The following MGAT4C variants were observed in gnomAD, a reference collection of about 807,000 sequenced individuals.
The protein encoded by MGAT4C is MGAT4 family member C, also known as alpha-1,3-mannosyl-glycoprotein 4-beta-N-acetylglucosaminyltransferase C.
In MGAT4C, 19 loss-of-function variants were observed where a neutral mutation model predicts 40.1. The observed-to-expected ratio is 0.47, with a 90% confidence interval of 0.33 to 0.70. MGAT4C has a LOEUF of 0.70. Among genes scored for constraint, MGAT4C ranks in the 30% least tolerant of loss-of-function variants. The pLI is 0.02. For missense variants in MGAT4C, 491 were observed against 563.2 expected, an observed-to-expected ratio of 0.87 and a Z score of 1.30; for synonymous variants, 181 against 187.1, an observed-to-expected ratio of 0.97 and a Z score of 0.27.
intron 2 of MGAT4C, among the ~76,000 whole-genome samples, chr12:86,577,475 G>A (rs1476996746): frequency 1.3e-5 from 2 of 151,622 alleles, no homozygotes; most frequent in East Asian, 1.9e-4. Flanking sequence ...GTTAAGGTAC[G>A]TTTTCTTCTA....
At chr12:86,316,109 G>GAAAAAAAAAAAAAAAAAAAAAAAAA (rs1954220604) in intron 4 of MGAT4C, among the ~76,000 whole-genome samples, 1 of 59,770 alleles carries the variant, frequency 1.7e-5, no homozygotes, top group Non-Finnish European at 3.4e-5. Flanking sequence ...AAAAAAAAAT[G>GAAAAAAAAAAAAAAAAAAAAAAAAA]GAAAAACGAT....
intron 2 of MGAT4C, among the ~76,000 whole-genome samples, chr12:86,654,819 G>A (rs1017142955): frequency 6.6e-6 from 1 of 150,926 alleles, no homozygotes; most frequent in Non-Finnish European, 1.5e-5. Flanking sequence ...GTTGTGTATT[G>A]CGGTGAAGAT....
rs367687889 is a variant in MGAT4C at position 86,547,311 on chromosome 12, C to G, written c.-228-112046G>C. Among the ~76,000 whole-genome samples, 12 of 152,046 alleles carry G rather than the reference C, an allele frequency of 7.9e-5. No homozygotes were observed. The East Asian group carries it at 1.2e-3, about 15-fold the overall frequency. ...TCTCCCCTTGTTTTCTTTCCTCCCC[C>G]CTTCCTCTTCCTGCTCTTCCTTTTG... is the stretch of plus-strand genomic sequence containing the variant. On this transcript the variant is annotated intron_variant, in intron 2 of 7. Coordinates refer to the MGAT4C transcript ENST00000548651.
chr12:86,571,176 G>A (rs1049731263), intron 2 of MGAT4C, among the ~76,000 whole-genome samples: 2 of 151,896 alleles, frequency 1.3e-5, no homozygotes, highest in East Asian at 3.9e-4. Flanking sequence ...ATTTATCCTT[G>A]AGTTTTAATG....
At chr12:86,127,504 T>TA (rs1880477917) in intron 1 of MGAT4C, among the ~76,000 whole-genome samples, 1 of 152,132 alleles carries the variant, frequency 6.6e-6, no homozygotes, top group Admixed American at 6.6e-5. Flanking sequence ...GCTATATTTA[T>TA]AAAAAATAAT....
intron 3 of MGAT4C, among the ~76,000 whole-genome samples, chr12:86,400,631 A>G (rs1956339076): frequency 6.6e-6 from 1 of 152,214 alleles, no homozygotes; most frequent in African/African-American, 2.4e-5. Flanking sequence ...TTGAATGTAA[A>G]CATGAGAAAG....
At chr12:86,801,732 G>A (rs201689917) in intron 1 of MGAT4C, among the ~76,000 whole-genome samples, 13 of 151,660 alleles carry the variant, frequency 8.6e-5, no homozygotes, top group African/African-American at 1.7e-4. Context: ...ATTACCTTTC[G>A]AATGGAATTA....
chr12:85,973,333 T>A lies in MGAT4C; in HGVS notation c.*5956A>T, dbSNP rs1244896759. 6.6e-6 allele frequency: 1 copy of A among 150,968 alleles called. No homozygotes were observed. Among genetic ancestry groups the A allele is most frequent in the East Asian group, 1.9e-4 (1 of 5,176 alleles). 9.4% of individuals were successfully genotyped at this position (150,968 alleles called of 1,614,324 possible). A position where few individuals can be genotyped will look rare whatever the true frequency, so the allele number is the denominator to read the frequency against. Reference sequence around the variant, plus strand: ...CATTTATTTTGGTAATTTTTATACATCAAAACTATAATTACCTGTATTTGG... The same window carrying A: ...CATTTATTTTGGTAATTTTTATACAACAAAACTATAATTACCTGTATTTGG... On this transcript the variant is annotated 3_prime_UTR_variant, in exon 5 of 5. Transcript: ENST00000611864.
intron 1 of MGAT4C, among the ~76,000 whole-genome samples, chr12:86,774,450 C>A (rs955327679): frequency 6.9e-6 from 1 of 145,700 alleles, no homozygotes; most frequent in Non-Finnish European, 1.5e-5. Context: ...GTTAGCCATG[C>A]ACCTAAACAT....
At chr12:86,247,577 C>G (rs974784357) in intron 1 of MGAT4C, among the ~76,000 whole-genome samples, 1 of 152,162 alleles carries the variant, frequency 6.6e-6, no homozygotes, top group Non-Finnish European at 1.5e-5. Context: ...CTGGCCTCAT[C>G]AGGAAGGTCA....
At chr12:86,307,516 A>C (rs1230611427) in intron 4 of MGAT4C, among the ~76,000 whole-genome samples, 1 of 150,400 alleles carries the variant, frequency 6.6e-6, no homozygotes, top group African/African-American at 2.5e-5. Flanking sequence ...CTTAGATGCA[A>C]ATGGGGTGGA....
intron 4 of MGAT4C, among the ~76,000 whole-genome samples, chr12:86,284,842 G>A (rs533553762): frequency 6.6e-6 from 1 of 151,960 alleles, no homozygotes; most frequent in South Asian, 2.1e-4. Context: ...ATTTTAGATG[G>A]AAGAAAAATG....
chr12:86,146,219 T>G (rs954808962), intron 1 of MGAT4C, among the ~76,000 whole-genome samples: 1 of 152,160 alleles, frequency 6.6e-6, no homozygotes, highest in African/African-American at 2.4e-5. Context: ...AAAATCCACT[T>G]ATTTTCTTAC....
At position 85,969,457 on chromosome 12, in the gene MGAT4C, C is replaced by T. The variant is rs1883513588; in HGVS notation, c.*9832G>A. The T allele has an allele frequency of 1.3e-5, 2 of 151,420 alleles. No homozygotes were observed. The highest frequency in any genetic ancestry group is 4.2e-4 in the South Asian group (2 of 4,816). 9.4% of individuals were successfully genotyped at this position (151,420 alleles called of 1,614,324 possible). On this transcript the variant is annotated 3_prime_UTR_variant, in exon 5 of 5. Transcript: ENST00000611864. ...AATACAAAGTTATAATTTTTGGAGT[C>T]TTTTAGTGTACCCAGAGCCCATGAG...
chr12:86,562,927 T>C (rs1220290900), intron 2 of MGAT4C, among the ~76,000 whole-genome samples: 1 of 152,114 alleles, frequency 6.6e-6, no homozygotes, highest in Non-Finnish European at 1.5e-5. Context: ...ATATACTTGG[T>C]TGGCTGAAAC....
At chr12:86,603,770 T>TA (rs1961930646) in intron 2 of MGAT4C, among the ~76,000 whole-genome samples, 1 of 93,440 alleles carries the variant, frequency 1.1e-5, no homozygotes, top group African/African-American at 3.8e-5. Flanking sequence ...TATAGTATAA[T>TA]TATATATACT....
Position 86,751,818 on chromosome 12 carries a change from T to C in MGAT4C, c.-261-24577A>G, listed in dbSNP as rs991521892. The stretch of plus-strand genomic sequence containing the variant: ...CTATCCTCCTTCAGCTTTTGTTATG[T>C]AAATTGCTATAAAATGTGATAATAC... On this transcript the variant is annotated intron_variant, in intron 1 of 7. Coordinates refer to the MGAT4C transcript ENST00000548651. Among the ~76,000 whole-genome samples the C allele has an allele frequency of 4.6e-5, 7 of 152,018 alleles. No individual in the cohort carries two copies. In the East Asian group the frequency reaches 7.7e-4, roughly 17 times the overall value.
intron 2 of MGAT4C, among the ~76,000 whole-genome samples, chr12:86,510,776 A>G (rs1216731652): frequency 1.3e-5 from 2 of 152,212 alleles, no homozygotes; most frequent in Non-Finnish European, 2.9e-5. Context: ...GGATCAATTC[A>G]ACAAGAAGAG....
chr12:86,691,734 A>T (rs1950176419), intron 2 of MGAT4C, among the ~76,000 whole-genome samples: 1 of 152,166 alleles, frequency 6.6e-6, no homozygotes, highest in Non-Finnish European at 1.5e-5. Context: ...TATATATAAG[A>T]CATACAACGT....
Sources: gnomAD v4.1 joint callset for allele counts (sites outside exome capture counted in the v4.1 genomes callset) on GRCh38, gnomAD v4.1.1 for gene constraint, MANE v1.5 for transcripts, NCBI Gene and HGNC (gene_info 2026-07-23, HGNC 2026-07-21) for gene names.